PLEKHG1: variants seen among roughly 807,000 people sequenced by gnomAD.
The protein encoded by PLEKHG1 is pleckstrin homology and RhoGEF domain containing G1.
A neutral mutation model predicts 100.8 loss-of-function variants in PLEKHG1; 44 were observed. The ratio of observed to expected loss-of-function variants is 0.44; its 90% CI spans 0.34 to 0.56. The LOEUF (loss-of-function observed/expected upper bound fraction) is 0.56, where lower values mean the gene tolerates loss of function less well. Ranked by LOEUF, PLEKHG1 falls within the 20% of genes least tolerant of loss-of-function variation. The pLI, the probability that PLEKHG1 is intolerant of heterozygous loss-of-function variation, is 0.01. For synonymous variants in PLEKHG1, 640 were observed against 662.5 expected (o/e 0.97, Z 0.52); for missense variants, 1,545 against 1,720.9 (o/e 0.90, Z 1.81).
At chr6:150,773,830 A>G (rs1006238055) in intron 3 of PLEKHG1, among the ~76,000 whole-genome samples, 1 of 152,196 alleles carries the variant, frequency 6.6e-6, no homozygotes, top group Non-Finnish European at 1.5e-5. Flanking sequence ...ATCCATAAAC[A>G]TGTCTTCAAG....
intron 13 of PLEKHG1, 45 bp downstream of exon 14, chr6:150,821,278 C>G (rs1183539313): frequency 4.7e-6 from 6 of 1,264,980 alleles, no homozygotes; most frequent in Admixed American, 1.7e-5. Flanking sequence ...TGTTGATATT[C>G]ACTAAATCAA....
rs138845820 is a variant in PLEKHG1 at position 150,647,605 on chromosome 6, G to A, written c.-157-3123G>A. On this transcript the variant is annotated intron_variant, in intron 2 of 3. Transcript: ENST00000367326. ...GCAATAAAATATGACCTGTTTCACC[G>A]TGATTCAGTGAAGTGCAGTCAGCAT... Among the ~76,000 whole-genome samples the A allele has an allele frequency of 3.5e-3, 531 of 152,138 alleles. 4 individuals carry two copies. The highest frequency in any genetic ancestry group is 0.012 in the African/African-American group (500 of 41,534).
intron 1 of PLEKHG1, among the ~76,000 whole-genome samples, chr6:150,730,132 T>TA (rs1390536574): frequency 6.6e-6 from 1 of 152,178 alleles, no homozygotes. Flanking sequence ...AAGAGTTTTG[T>TA]AACTGTGTGA....
chr6:150,684,029 T>C (rs9384575), intron 3 of PLEKHG1: 59,657 of 337,982 alleles, frequency 0.18, 7,567 homozygotes, highest in African/African-American at 0.45. Flanking sequence ...CCTCTGGGAC[T>C]GTCTTCACCC....
intron 2 of PLEKHG1, among the ~76,000 whole-genome samples, chr6:150,640,995 A>G (rs534895633): frequency 1.3e-5 from 2 of 152,276 alleles, no homozygotes; most frequent in African/African-American, 4.8e-5. Context: ...TCAGTTTCAT[A>G]GTGAAAAACT....
chr6:150,630,821 C>T (rs1259768791), intron 1 of PLEKHG1, among the ~76,000 whole-genome samples: 1 of 152,090 alleles, frequency 6.6e-6, no homozygotes, highest in Admixed American at 6.5e-5. Flanking sequence ...CACCCCAGCA[C>T]TTGGAAGATT....
At chr6:150,787,229 A>G (rs1313091010) in intron 4 of PLEKHG1, among the ~76,000 whole-genome samples, 3 of 152,164 alleles carry the variant, frequency 2.0e-5, no homozygotes, top group Non-Finnish European at 4.4e-5. Context: ...TTAATCTCCT[A>G]CATTTTAAAA....
chr6:150,639,891 A>G (rs1024456399), intron 2 of PLEKHG1, among the ~76,000 whole-genome samples: 2 of 152,136 alleles, frequency 1.3e-5, no homozygotes, highest in African/African-American at 2.4e-5. Context: ...CCATTAGACT[A>G]ATTTGCTGGT....
At chr6:150,640,735 C>A (rs1778219238) in intron 2 of PLEKHG1, among the ~76,000 whole-genome samples, 1 of 152,058 alleles carries the variant, frequency 6.6e-6, no homozygotes, top group South Asian at 2.1e-4. Flanking sequence ...TCTCACTGAC[C>A]TCATGCCACT....
intron 3 of PLEKHG1, among the ~76,000 whole-genome samples, chr6:150,657,263 T>C (rs1046521664): frequency 3.1e-5 from 4 of 129,808 alleles, no homozygotes; most frequent in African/African-American, 7.5e-5. Context: ...AATTTCTGCT[T>C]TGTAGAAAGC....
chr6:150,651,414 A>G (rs1236267235), intron 3 of PLEKHG1, among the ~76,000 whole-genome samples: 1 of 151,976 alleles, frequency 6.6e-6, no homozygotes, highest in African/African-American at 2.4e-5. Flanking sequence ...TTGTATTTTT[A>G]GTAGAGATGG....
intron 2 of PLEKHG1, among the ~76,000 whole-genome samples, chr6:150,740,231 C>T (rs1583035658): frequency 6.6e-6 from 1 of 152,176 alleles, no homozygotes; most frequent in Admixed American, 6.5e-5. Flanking sequence ...ACAGTACTGT[C>T]AAGTGTGGAG....
At chr6:150,773,172 A>G (rs1381462833) in intron 3 of PLEKHG1, among the ~76,000 whole-genome samples, 2 of 152,034 alleles carry the variant, frequency 1.3e-5, no homozygotes, top group Non-Finnish European at 2.9e-5. Context: ...CCTAACATTG[A>G]TGGAGGCATG....
chr6:150,840,427 A>G (rs1777464583), exon 16 of PLEKHG1: 1 of 1,614,196 alleles, frequency 6.2e-7, no homozygotes, highest in Non-Finnish European at 8.5e-7. Flanking sequence ...GCTGACTCGC[A>G]TCAACAGGGC....
intron 3 of PLEKHG1, among the ~76,000 whole-genome samples, chr6:150,659,082 C>T (rs1489214257): frequency 6.6e-6 from 1 of 152,172 alleles, no homozygotes; most frequent in Non-Finnish European, 1.5e-5. Context: ...TCACAGCCGT[C>T]AGATGTGCAC....
intron 1 of PLEKHG1, among the ~76,000 whole-genome samples, chr6:150,636,832 A>C (rs1426838916): frequency 6.6e-6 from 1 of 152,156 alleles, no homozygotes; most frequent in Non-Finnish European, 1.5e-5. Flanking sequence ...CTTATTCCTC[A>C]AGTACAGTCA....
chr6:150,737,141 TGA>T (rs1782601526), intron 2 of PLEKHG1, among the ~76,000 whole-genome samples: 1 of 152,236 alleles, frequency 6.6e-6, no homozygotes, highest in Non-Finnish European at 1.5e-5. Context: ...GTTTTGGCTA[TGA>T]GACCACCTCT....
intron 2 of PLEKHG1, among the ~76,000 whole-genome samples, chr6:150,642,441 T>A (rs1411290105): frequency 6.6e-6 from 1 of 152,232 alleles, no homozygotes; most frequent in African/African-American, 2.4e-5. Context: ...TCCTTTTCCT[T>A]ATTTATGCCT....
chr6:150,807,948 A>G (rs1011619107), intron 7 of PLEKHG1, among the ~76,000 whole-genome samples: 8 of 152,116 alleles, frequency 5.3e-5, no homozygotes, highest in Non-Finnish European at 1.5e-5. Flanking sequence ...CAGCCTGGAC[A>G]ACAGAGCGAG....
Sources: gnomAD v4.1 joint callset for allele counts (sites outside exome capture counted in the v4.1 genomes callset) on GRCh38, gnomAD v4.1.1 for gene constraint, MANE v1.5 for transcripts, NCBI Gene and HGNC (gene_info 2026-07-23, HGNC 2026-07-21) for gene names.